Variants in EYS observed in about 807,000 individuals in gnomAD.
The protein encoded by EYS is EGF-like photoreceptor maintenance factor.
In EYS, 250 loss-of-function variants were observed where a neutral mutation model predicts 282.1. The observed-to-expected ratio is 0.89, with a 90% CI of 0.80 to 0.98. EYS has a LOEUF of 0.98. Ranked by LOEUF, EYS falls within the 50% of genes least tolerant of loss-of-function variation. EYS has a pLI of 0.00. For missense variants in EYS, 4,016 were observed against 3,709.0 expected, an observed-to-expected ratio of 1.08 and a Z score of -2.15; for synonymous variants, 1,355 against 1,282.9, an observed-to-expected ratio of 1.06 and a Z score of -1.20.
intron 35 of EYS, among the ~76,000 whole-genome samples, chr6:63,937,937 C>T (rs746108235): frequency 1.9e-4 from 29 of 152,126 alleles, no homozygotes; most frequent in East Asian, 1.9e-4. Flanking sequence ...AACAAATTTC[C>T]GCTGTGTCAA....
chr6:65,416,946 T>G (rs1262973209), intron 5 of EYS, among the ~76,000 whole-genome samples: 1 of 152,004 alleles, frequency 6.6e-6, no homozygotes, highest in Non-Finnish European at 1.5e-5. Flanking sequence ...GACAGCTAAC[T>G]TGTTTACCTA....
At chr6:65,158,446 T>C (rs1764778236) in intron 12 of EYS, among the ~76,000 whole-genome samples, 1 of 150,906 alleles carries the variant, frequency 6.6e-6, no homozygotes, top group Non-Finnish European at 1.5e-5. Context: ...TCTTTTACAA[T>C]GTGAAACAAA....
rs1426278238 is a variant in EYS, at chr6:64,562,299, CA to C, written c.5644+27923del. ...AAATCTGATGTTTCCTAGAAGTCTA[CA>C]AAAATATTTTTAATGGCCAATATTT... is the stretch of plus-strand genomic sequence containing the variant. On this transcript the variant is annotated intron_variant, in intron 26 of 42. Transcript: ENST00000503581. Among the ~76,000 whole-genome samples the C allele has an allele frequency of 4.6e-5, 7 of 151,684 alleles. No homozygotes were observed. In the South Asian group the frequency reaches 1.2e-3, roughly 27 times the overall value.
chr6:64,846,731 C>T (rs1033187442), intron 19 of EYS, among the ~76,000 whole-genome samples: 1 of 151,868 alleles, frequency 6.6e-6, no homozygotes, highest in South Asian at 2.1e-4. Flanking sequence ...AAGGTAAATA[C>T]ATTATATTAA....
rs1773564428 is a variant in EYS at position 65,061,177 on chromosome 6, T to C, written c.2024-3450A>G. Among the ~76,000 whole-genome samples, 3 of 152,104 alleles carry C rather than the reference T, an allele frequency of 2.0e-5. No homozygotes were observed. The South Asian group carries it at 6.2e-4, about 31-fold the overall frequency. Reference sequence around the variant, plus strand: ...TACATGTATATAATTTTAGAGCTTTTATTGCCAAAATGTAGATTGAATTTA... The same window carrying C: ...TACATGTATATAATTTTAGAGCTTTCATTGCCAAAATGTAGATTGAATTTA... On this transcript the variant is annotated intron_variant, in intron 12 of 42. Transcript: ENST00000503581.
intron 13 of EYS, among the ~76,000 whole-genome samples, chr6:65,002,986 T>A (rs968746588): frequency 1.4e-5 from 2 of 147,346 alleles, no homozygotes; most frequent in Non-Finnish European, 3.0e-5. Context: ...GACCCTGTAA[T>A]AATTGCATTA....
At chr6:65,359,283 A>G (rs1386450067) in intron 8 of EYS, among the ~76,000 whole-genome samples, 2 of 152,062 alleles carry the variant, frequency 1.3e-5, no homozygotes, top group Non-Finnish European at 2.9e-5. Context: ...TGTGATTTTT[A>G]TTTGATTGAC....
At chr6:65,589,172 G>C (rs974601686) in intron 2 of EYS, among the ~76,000 whole-genome samples, 3 of 151,886 alleles carry the variant, frequency 2.0e-5, no homozygotes, top group African/African-American at 7.3e-5. Flanking sequence ...TCCCTGAATG[G>C]AAACTATTTT....
chr6:63,813,040 G>A (rs753217139), intron 36 of EYS, among the ~76,000 whole-genome samples: 5 of 152,074 alleles, frequency 3.3e-5, no homozygotes. Context: ...GTGCAGTGGT[G>A]CAATCTTGGC....
intron 26 of EYS, among the ~76,000 whole-genome samples, chr6:64,476,756 T>C (rs1349426930): frequency 6.6e-6 from 1 of 152,172 alleles, no homozygotes; most frequent in Admixed American, 6.6e-5. Flanking sequence ...CACACAAGCA[T>C]ATTTTCTAAC....
At chr6:63,900,602 G>T (rs1773634854) in intron 35 of EYS, among the ~76,000 whole-genome samples, 1 of 152,156 alleles carries the variant, frequency 6.6e-6, no homozygotes, top group African/African-American at 2.4e-5. Flanking sequence ...AGATATCAGA[G>T]AACTTGGTGA....
intron 28 of EYS, among the ~76,000 whole-genome samples, chr6:64,414,326 C>T (rs1192134736): frequency 2.0e-5 from 3 of 152,002 alleles, no homozygotes; most frequent in East Asian, 1.9e-4. Flanking sequence ...AAATGGTTCA[C>T]GTTTTGTGTA....
At chr6:64,674,654 C>T (rs903876721) in intron 22 of EYS, among the ~76,000 whole-genome samples, 5 of 151,830 alleles carry the variant, frequency 3.3e-5, no homozygotes, top group Non-Finnish European at 4.4e-5. Flanking sequence ...GCTTATCTTG[C>T]TTTCTTGCCT....
intron 2 of EYS, among the ~76,000 whole-genome samples, chr6:65,626,607 A>G (rs558781867): frequency 1.7e-4 from 26 of 152,310 alleles, no homozygotes; most frequent in African/African-American, 6.3e-4. Flanking sequence ...CTGATCATTG[A>G]AATCAATTGT....
At chr6:65,024,795 T>A (rs1460909467) in intron 13 of EYS, among the ~76,000 whole-genome samples, 1 of 152,220 alleles carries the variant, frequency 6.6e-6, no homozygotes, top group Non-Finnish European at 1.5e-5. Flanking sequence ...TGATATTGTT[T>A]GAGAGTGCTT....
At chr6:63,777,251 C>T (rs1048425343) in intron 40 of EYS, among the ~76,000 whole-genome samples, 2 of 152,128 alleles carry the variant, frequency 1.3e-5, no homozygotes, top group Non-Finnish European at 1.5e-5. Flanking sequence ...TAAAACTATG[C>T]TTTCTTCAGG....
At chr6:64,297,143 C>T (rs1769058433) in intron 30 of EYS, among the ~76,000 whole-genome samples, 1 of 152,148 alleles carries the variant, frequency 6.6e-6, no homozygotes, top group Admixed American at 6.5e-5. Context: ...TCCTCTTCTT[C>T]ACATATTAGA....
At chr6:64,135,826 T>A (rs1307417525) in intron 31 of EYS, among the ~76,000 whole-genome samples, 2 of 152,128 alleles carry the variant, frequency 1.3e-5, no homozygotes, top group Non-Finnish European at 2.9e-5. Context: ...GTGATTATTT[T>A]TGCTAGTGGA....
At chr6:65,700,323 G>T (rs1310047564) in intron 1 of EYS, among the ~76,000 whole-genome samples, 1 of 151,836 alleles carries the variant, frequency 6.6e-6, no homozygotes, top group African/African-American at 2.4e-5. Context: ...GGAAAAAAGA[G>T]GGAAGCATTT....
Sources: allele counts gnomAD v4.1 joint callset (sites outside exome capture counted in the v4.1 genomes callset), GRCh38; gene constraint gnomAD v4.1.1; transcripts MANE v1.5; gene names NCBI Gene and HGNC (gene_info 2026-07-23, HGNC 2026-07-21).